SNX8: variants seen among roughly 807,000 people sequenced by gnomAD.
SNX8 encodes sorting nexin 8, also known as sorting nexin-8.
SNX8 carries 25 observed loss-of-function variants against 51.6 expected under a neutral mutation model. The ratio of observed to expected loss-of-function variants is 0.48; its 90% CI spans 0.35 to 0.68. SNX8 has a LOEUF of 0.68. Ranked by LOEUF, SNX8 falls within the 30% of genes least tolerant of loss-of-function variation. The probability of loss-of-function intolerance (pLI) is 0.00; values close to 1 mark genes in which losing one functional copy is unlikely to be tolerated. For synonymous variants in SNX8, 324 were observed against 277.0 expected (o/e 1.17, Z -1.68); for missense variants, 695 against 624.0 (o/e 1.11, Z -1.21).
chr7:2,313,393 G>A (rs1341460253), intron 1 of SNX8, among the ~76,000 whole-genome samples: 2 of 151,800 alleles, frequency 1.3e-5, no homozygotes, highest in East Asian at 2.0e-4. Flanking sequence ...GAGTGTCATG[G>A]TGGATGCCTG....
intron 1 of SNX8, among the ~76,000 whole-genome samples, chr7:2,330,808 A>C (rs1252624662): frequency 1.3e-5 from 2 of 152,174 alleles, no homozygotes; most frequent in Non-Finnish European, 2.9e-5. Context: ...GGTTTTTCCT[A>C]AAACAACAGT....
intron 1 of SNX8, among the ~76,000 whole-genome samples, chr7:2,344,014 C>CATGGT (rs1778978282): frequency 8.4e-6 from 1 of 118,370 alleles, no homozygotes; most frequent in African/African-American, 3.3e-5. Flanking sequence ...GCCTGGGCAA[C>CATGGT]AAGAGCAAAA....
At chr7:2,337,949 T>C (rs2115242792) in intron 1 of SNX8, among the ~76,000 whole-genome samples, 1 of 151,546 alleles carries the variant, frequency 6.6e-6, no homozygotes, top group South Asian at 2.1e-4. Flanking sequence ...GGGGGAGAAG[T>C]ATGCCTGTTA....
At chr7:2,329,211 C>T (rs1778685358) in intron 1 of SNX8, among the ~76,000 whole-genome samples, 1 of 151,580 alleles carries the variant, frequency 6.6e-6, no homozygotes, top group Admixed American at 6.6e-5. Flanking sequence ...GCGGAGGTTA[C>T]AGTGAGCCAA....
intron 1 of SNX8, among the ~76,000 whole-genome samples, chr7:2,288,694 T>C (rs529350997): frequency 2.0e-5 from 3 of 152,132 alleles, no homozygotes; most frequent in Non-Finnish European, 4.4e-5. Flanking sequence ...GAGTAACCAC[T>C]GACTTCTCAA....
At chr7:2,258,909 C>T (rs945938437) in intron 7 of SNX8, among the ~76,000 whole-genome samples, 2 of 152,154 alleles carry the variant, frequency 1.3e-5, no homozygotes, top group African/African-American at 4.8e-5. Flanking sequence ...AGAGGGATGC[C>T]CTGCTCCCAG....
At chr7:2,267,996 C>T (rs77479214) in intron 5 of SNX8, among the ~76,000 whole-genome samples, 7 of 148,164 alleles carry the variant, frequency 4.7e-5, no homozygotes, top group African/African-American at 7.6e-5. Flanking sequence ...CGCCTCTGCC[C>T]GGCCGAGACC....
intron 1 of SNX8, among the ~76,000 whole-genome samples, chr7:2,350,444 G>A (rs563908059): frequency 4.6e-5 from 7 of 152,092 alleles, no homozygotes; most frequent in African/African-American, 1.7e-4. Flanking sequence ...ATAATTTCAC[G>A]GAAACTATAA....
At position 2,257,533 on chromosome 7, in the gene SNX8, C is replaced by T; in HGVS notation, c.985-19G>A. On this transcript the variant is annotated intron_variant, in intron 8 of 10. Transcript: ENST00000222990. The stretch of plus-strand genomic sequence containing the variant: ...ACAGGTCCTGCGGGGCCGGGGGAGG[C>T]ATTCGCCCGCTGTCTGGATGCCTGC... 1 of 1,599,766 alleles carries T rather than the reference C, an allele frequency of 6.3e-7. No individual in the cohort carries two copies. The highest frequency in any genetic ancestry group is 8.5e-7 in the Non-Finnish European group (1 of 1,177,754).
chr7:2,348,116 A>T (rs1779067535), intron 1 of SNX8, among the ~76,000 whole-genome samples: 1 of 152,140 alleles, frequency 6.6e-6, no homozygotes, highest in Admixed American at 6.6e-5. Flanking sequence ...TTAAAAAAGA[A>T]ACTAAGTAAA....
In SNX8 at chr7:2,257,365, C is replaced by T. The variant is rs867684669; in HGVS notation, c.1134G>A (p.Glu378=). 11 of 1,605,302 alleles carry T rather than the reference C, an allele frequency of 6.9e-6. No individual in the cohort carries two copies. The highest frequency in any genetic ancestry group is 1.9e-4 in the Middle Eastern group (1 of 5,284). Residue 378 remains glutamate, a splice_region_variant and synonymous_variant, in exon 9 of 11, where the codon GAG becomes GAA. Transcript: ENST00000222990. ...CCTGCTCGGCCGCCCCGCCACCCAC[C>T]TCCACAATGCGGGACTCCAGCTGCT... The part of the protein sequence containing the change: ...SVEQLESRIV[E]QENAIQTMEL...
At chr7:2,346,673 G>A (rs188376396) in intron 1 of SNX8, among the ~76,000 whole-genome samples, 1 of 145,914 alleles carries the variant, frequency 6.9e-6, no homozygotes, top group East Asian at 2.1e-4. Context: ...GTGAACCTGG[G>A]AGGCGGAGCT....
At chr7:2,258,149 T>C (rs1466307337) in intron 7 of SNX8, among the ~76,000 whole-genome samples, 1 of 152,062 alleles carries the variant, frequency 6.6e-6, no homozygotes, top group Admixed American at 6.6e-5. Flanking sequence ...TAGCTGGGAC[T>C]ACAGGCGCCC....
At chr7:2,289,975 C>G (rs1359515797) in intron 1 of SNX8, among the ~76,000 whole-genome samples, 1 of 152,044 alleles carries the variant, frequency 6.6e-6, no homozygotes, top group Non-Finnish European at 1.5e-5. Context: ...GGTGGATCAC[C>G]TGAGGTCAGG....
At chr7:2,259,599 G>A (rs1038628149) in intron 7 of SNX8, among the ~76,000 whole-genome samples, 2 of 152,206 alleles carry the variant, frequency 1.3e-5, no homozygotes, top group Non-Finnish European at 1.5e-5. Flanking sequence ...CAGGCCGACT[G>A]AACCCGGAGG....
chr7:2,259,730 G>A lies in SNX8; in HGVS notation c.916-1927C>T, dbSNP rs1392166526. On this transcript the variant is annotated intron_variant, in intron 7 of 10. Transcript: ENST00000222990. ...GAGAGAAAACGCCAGCTGACCGCAG[G>A]TGCCCAGCTCCCACCTGACCAGGCA... 3.9e-5 allele frequency among the ~76,000 whole-genome samples: 6 copies of A among 152,306 alleles called. No individual in the cohort carries two copies. The East Asian group carries it at 9.7e-4, about 25-fold the overall frequency.
chr7:2,268,496 A>G (rs1175239787), intron 5 of SNX8, among the ~76,000 whole-genome samples: 2 of 122,484 alleles, frequency 1.6e-5, no homozygotes, highest in Admixed American at 8.0e-5. Context: ...TCCGGGAGGG[A>G]GGTGGGGGGT....
At chr7:2,256,783 G>A in intron 10 of SNX8, 91 bp downstream of exon 10, 4 of 1,355,960 alleles carry the variant, frequency 2.9e-6, no homozygotes, top group African/African-American at 1.4e-5. Flanking sequence ...TCTCTAGGGC[G>A]GCCGGCCACC....
At chr7:2,287,854 G>A (rs1227002234) in intron 1 of SNX8, 1 of 151,656 alleles carries the variant, frequency 6.6e-6, no homozygotes, top group Non-Finnish European at 1.5e-5. Flanking sequence ...GGACTGCAGT[G>A]AGCCAGGATA....
Sources: allele counts gnomAD v4.1 joint callset (sites outside exome capture counted in the v4.1 genomes callset), GRCh38; gene constraint gnomAD v4.1.1; transcripts MANE v1.5; gene names NCBI Gene and HGNC (gene_info 2026-07-23, HGNC 2026-07-21).